The following FMO2 variants were observed in gnomAD, a reference collection of about 807,000 sequenced individuals.
FMO2 encodes the protein flavin-containing monooxygenase 2.
FMO2 carries 33 observed loss-of-function variants against 41.6 expected under a neutral mutation model. The ratio of observed to expected loss-of-function variants is 0.79; its 90% CI spans 0.60 to 1.06. The LOEUF is 1.06. FMO2 is among the 50% of genes least tolerant of loss of function. The pLI is 0.00. For missense variants in FMO2, 619 were observed against 632.9 expected (o/e 0.98, Z 0.23); for synonymous variants, 214 against 219.6 (o/e 0.97, Z 0.23).
At chr1:171,190,974 C>T (rs565647425) in intron 2 of FMO2, among the ~76,000 whole-genome samples, 3 of 152,108 alleles carry the variant, frequency 2.0e-5, no homozygotes, top group African/African-American at 7.2e-5. Context: ...GGAGAAACCC[C>T]ACCTCTACTA....
At chr1:171,186,844 G>A (rs772720100) in intron 2 of FMO2, among the ~76,000 whole-genome samples, 5 of 152,178 alleles carry the variant, frequency 3.3e-5, no homozygotes, top group Non-Finnish European at 7.3e-5. Flanking sequence ...CTAGCTGTGA[G>A]ATCTTGAGCA....
chr1:171,192,485 A>C (rs1258514269), intron 2 of FMO2, among the ~76,000 whole-genome samples: 1 of 152,074 alleles, frequency 6.6e-6, no homozygotes, highest in African/African-American at 2.4e-5. Flanking sequence ...CAGTGGATGA[A>C]CCAAGCATGG....
At chr1:171,199,650 C>T (rs775541070) in intron 5 of FMO2, 162 bp downstream of exon 5, 17 of 554,300 alleles carry the variant, frequency 3.1e-5, no homozygotes, top group Non-Finnish European at 4.9e-5. Flanking sequence ...ACCACTTTAC[C>T]TCCTAGCTCT....
At chr1:171,188,493 G>A (rs573973206) in intron 2 of FMO2, among the ~76,000 whole-genome samples, 1 of 152,176 alleles carries the variant, frequency 6.6e-6, no homozygotes, top group East Asian at 1.9e-4. Flanking sequence ...TCCACTCAAC[G>A]AAGTCAAAGA....
At chr1:171,199,670 C>G (rs372175735) in intron 5 of FMO2, among the ~76,000 whole-genome samples, 182 bp downstream of exon 5, 1 of 152,142 alleles carries the variant, frequency 6.6e-6, no homozygotes, top group African/African-American at 2.4e-5. Context: ...TGTCAATAAC[C>G]AGCCATGAAT....
intron 5 of FMO2, among the ~76,000 whole-genome samples, chr1:171,201,490 T>C (rs1658534130): frequency 6.6e-6 from 1 of 152,172 alleles, no homozygotes; most frequent in African/African-American, 2.4e-5. Flanking sequence ...CTATACATGC[T>C]AGGAACGGAA....
chr1:171,188,033 T>TTG (rs1482887367), intron 2 of FMO2, among the ~76,000 whole-genome samples: 1 of 79,992 alleles, frequency 1.3e-5, no homozygotes, highest in Non-Finnish European at 2.4e-5. Context: ...AGCTGGAATT[T>TTG]TTTTTTTTTT....
At chr1:171,196,618 C>T (rs1658319748) in intron 3 of FMO2, 31 bp from the exon 4 acceptor site, 1 of 1,604,556 alleles carries the variant, frequency 6.2e-7, no homozygotes, top group African/African-American at 1.3e-5. Flanking sequence ...TGGAGTAATT[C>T]TCAATGATGC....
In FMO2 at chr1:171,199,343, A is replaced by G; in HGVS notation, c.485-3A>G. On this transcript the variant is annotated splice_polypyrimidine_tract_variant and splice_region_variant and intron_variant, in intron 4 of 8. Coordinates refer to ENST00000209929, the MANE Select transcript of FMO2 (RefSeq NM_001460.5). ...ACAGACTTCTCTCTTCTTCCCCCTG[A>G]AGGTATGGAGAGGTTCAAAGGCCAA... 1.9e-6 allele frequency: 3 copies of G among 1,589,040 alleles called. No individual in the cohort carries two copies. The highest frequency in any genetic ancestry group is 2.6e-6 in the Non-Finnish European group (3 of 1,170,000).
intron 6 of FMO2, among the ~76,000 whole-genome samples, chr1:171,204,267 T>A (rs1016276156): frequency 1.3e-5 from 2 of 152,132 alleles, no homozygotes; most frequent in Admixed American, 1.3e-4. Flanking sequence ...GAAGCAGAAG[T>A]GTTATAAGCT....
At chr1:171,194,176 T>C (rs1440843811) in intron 3 of FMO2, among the ~76,000 whole-genome samples, 2 of 152,246 alleles carry the variant, frequency 1.3e-5, no homozygotes, top group African/African-American at 4.8e-5. Flanking sequence ...GCTGTTTTGT[T>C]TTCTTAGCTT....
chr1:171,198,652 C>A (rs1658396760), intron 4 of FMO2, among the ~76,000 whole-genome samples: 1 of 152,136 alleles, frequency 6.6e-6, no homozygotes, highest in Admixed American at 6.5e-5. Context: ...CTCAGTTGAT[C>A]CGCCCGCCTT....
In FMO2 at chr1:171,203,895, G is replaced by T; in HGVS notation, c.658G>T (p.Val220Phe). The T allele has an allele frequency of 6.2e-7, 1 of 1,613,502 alleles. No homozygotes were observed. The change falls in exon 6 of 9, where the codon GTC (valine) becomes TTC (phenylalanine). Residue 220 changes from valine to phenylalanine, a missense_variant. By Grantham distance (50) the Val-to-Phe change is conservative. Coordinates refer to ENST00000209929, the MANE Select transcript of FMO2 (RefSeq NM_001460.5). ...VFISTRHGTWVMSRISEDGYP... is the reference protein window; with the variant it reads ...VFISTRHGTWFMSRISEDGYP... The stretch of plus-strand genomic sequence containing the variant: ...TATCAGCACCAGGCATGGCACCTGG[G>T]TCATGAGCCGTATCTCTGAAGATGG...
At chr1:171,193,731 T>A (rs1281290158) in intron 3 of FMO2, among the ~76,000 whole-genome samples, 1 of 152,036 alleles carries the variant, frequency 6.6e-6, no homozygotes, top group Non-Finnish European at 1.5e-5. Context: ...AGGAAAATCA[T>A]CTGTTAAAGT....
chr1:171,208,642 G>A, intron 8 of FMO2, 152 bp from the exon 9 acceptor site: 1 of 662,222 alleles, frequency 1.5e-6, no homozygotes, highest in Non-Finnish European at 2.5e-6. Context: ...GAGCCTCCTG[G>A]TATGATAAAC....
At chr1:171,207,391 C>A (rs1336764237) in intron 7 of FMO2, among the ~76,000 whole-genome samples, 2 of 152,188 alleles carry the variant, frequency 1.3e-5, no homozygotes, top group Non-Finnish European at 2.9e-5. Context: ...TCAGAATACT[C>A]TTCCACTGAT....
chr1:171,192,302 C>A (rs985408145), intron 2 of FMO2, among the ~76,000 whole-genome samples: 9 of 152,036 alleles, frequency 5.9e-5, no homozygotes, highest in African/African-American at 2.2e-4. Context: ...AGACAGAAAC[C>A]CCCTTGTATT....
At chr1:171,205,119 G>A (rs1199307647) in intron 6 of FMO2, among the ~76,000 whole-genome samples, 160 bp from the exon 7 acceptor site, 2 of 152,274 alleles carry the variant, frequency 1.3e-5, no homozygotes, top group South Asian at 4.1e-4. Flanking sequence ...TGAGAATTAA[G>A]TCAGAAAATA....
chr1:171,201,699 G>A (rs1306761280), intron 5 of FMO2, among the ~76,000 whole-genome samples: 1 of 152,182 alleles, frequency 6.6e-6, no homozygotes, highest in Non-Finnish European at 1.5e-5. Context: ...AGACATACCC[G>A]AGACTGGGTA....
Sources: allele counts gnomAD v4.1 joint callset (sites outside exome capture counted in the v4.1 genomes callset), GRCh38; gene constraint gnomAD v4.1.1; transcripts MANE v1.5; gene names NCBI Gene and HGNC (gene_info 2026-07-23, HGNC 2026-07-21).